FER: variants seen among roughly 807,000 people sequenced by gnomAD.
FER encodes FER tyrosine kinase.
In FER, 63 loss-of-function variants were observed where a neutral mutation model predicts 111.0. The observed-to-expected ratio is 0.57, with a 90% CI of 0.46 to 0.70. The LOEUF is 0.70. FER is among the 30% of genes least tolerant of loss of function. The pLI, the probability that FER is intolerant of heterozygous loss-of-function variation, is 0.00. For synonymous variants in FER, 327 were observed against 313.9 expected (o/e 1.04, Z -0.44); for missense variants, 914 against 954.0 (o/e 0.96, Z 0.55).
intron 5 of FER, among the ~76,000 whole-genome samples, chr5:108,836,077 C>G (rs1466176611): frequency 2.0e-5 from 3 of 151,988 alleles, no homozygotes; most frequent in African/African-American, 7.2e-5. Flanking sequence ...AAAATTTTCT[C>G]TCTTGCATCA....
rs190460910 is a variant in FER at position 109,044,651 on chromosome 5, C to T, written c.1714-29C>T. The T allele has an allele frequency of 1.4e-4, 165 of 1,160,412 alleles. 1 individual carries two copies. The African/African-American group carries it at 2.4e-3, about 17-fold the overall frequency. The allele number at this position is 1,160,412 out of a possible 1,614,324, so 71.9% of individuals were successfully genotyped here. A position where few individuals can be genotyped will look rare whatever the true frequency, so the allele number is the denominator to read the frequency against. On this transcript the variant is annotated intron_variant, in intron 14 of 19. Coordinates refer to ENST00000281092, the MANE Select transcript of FER (RefSeq NM_005246.4). ...AAAGATATACATGCTGTCATTTACCCCAGACAATGAATGTATTTCTATTTT... is the reference window on the plus strand; with the variant it reads ...AAAGATATACATGCTGTCATTTACCTCAGACAATGAATGTATTTCTATTTT...
intron 10 of FER, among the ~76,000 whole-genome samples, chr5:108,941,579 C>T (rs936602778): frequency 1.3e-5 from 2 of 152,188 alleles, no homozygotes; most frequent in Non-Finnish European, 2.9e-5. Context: ...ACTGTTGTAT[C>T]GTTATGTCCC....
At chr5:108,880,635 C>T (rs1294313307) in intron 8 of FER, among the ~76,000 whole-genome samples, 1 of 151,956 alleles carries the variant, frequency 6.6e-6, no homozygotes, top group Non-Finnish European at 1.5e-5. Context: ...ATGAACTATT[C>T]CATGCAAGCC....
At chr5:108,942,980 T>C (rs2149614817) in intron 10 of FER, among the ~76,000 whole-genome samples, 1 of 152,318 alleles carries the variant, frequency 6.6e-6, no homozygotes, top group East Asian at 1.9e-4. Flanking sequence ...ATAATCACTT[T>C]CATTGTTCTG....
At chr5:108,947,187 T>C (rs577166824) in intron 11 of FER, among the ~76,000 whole-genome samples, 1 of 152,194 alleles carries the variant, frequency 6.6e-6, no homozygotes, top group African/African-American at 2.4e-5. Flanking sequence ...TGTATATGTT[T>C]TCAGTTCTCT....
At chr5:108,897,102 A>G (rs1438288756) in intron 9 of FER, among the ~76,000 whole-genome samples, 1 of 152,156 alleles carries the variant, frequency 6.6e-6, no homozygotes, top group African/African-American at 2.4e-5. Flanking sequence ...GAGACGTTGG[A>G]AAGATTTGGA....
At position 109,003,409 on chromosome 5, in the gene FER, T is replaced by G. The variant is rs180703267; in HGVS notation, c.1657-34013T>G. ...CATGTTCTCACTCATAGGTGGGAAT[T>G]GAACAATGAGAACACATGGACACAG... On this transcript the variant is annotated intron_variant, in intron 13 of 19. Transcript: ENST00000281092. Among the ~76,000 whole-genome samples the G allele has an allele frequency of 1.7e-3, 261 of 152,192 alleles. 1 individual carries two copies. Among genetic ancestry groups the G allele is most frequent in the African/African-American group, 6.0e-3 (249 of 41,512 alleles).
At chr5:108,772,400 G>C (rs573419472) in intron 2 of FER, among the ~76,000 whole-genome samples, 1 of 124,090 alleles carries the variant, frequency 8.1e-6, no homozygotes, top group South Asian at 2.5e-4. Flanking sequence ...TATTGCATTT[G>C]CTTCTTATGC....
At chr5:108,919,669 A>T (rs1039518163) in intron 10 of FER, among the ~76,000 whole-genome samples, 5 of 152,200 alleles carry the variant, frequency 3.3e-5, no homozygotes, top group Non-Finnish European at 7.4e-5. Context: ...TTCAGACAAG[A>T]ACATTGAAGC....
intron 17 of FER, among the ~76,000 whole-genome samples, chr5:109,104,265 T>G (rs1041032109): frequency 6.6e-6 from 1 of 152,208 alleles, no homozygotes; most frequent in Non-Finnish European, 1.5e-5. Flanking sequence ...ATTGAAGACA[T>G]TGATATTTCC....
intron 17 of FER, among the ~76,000 whole-genome samples, chr5:109,124,242 A>G (rs1382236331): frequency 6.6e-6 from 1 of 152,200 alleles, no homozygotes; most frequent in Non-Finnish European, 1.5e-5. Context: ...AGACATATTA[A>G]AAGGGACAAA....
At chr5:109,151,814 T>C (rs1283264437) in intron 17 of FER, among the ~76,000 whole-genome samples, 1 of 152,148 alleles carries the variant, frequency 6.6e-6, no homozygotes, top group African/African-American at 2.4e-5. Context: ...AGACAAGTTA[T>C]GTGACAAAAT....
chr5:108,883,473 A>G lies in FER; in HGVS notation c.1001A>G (p.Glu334Gly). ...AAGGAGGAGGCTGTTTTGGAGTTAGAGAAGAGAATTGAAGAATCTTCTGAA... is the reference window on the plus strand; with the variant it reads ...AAGGAGGAGGCTGTTTTGGAGTTAGGGAAGAGAATTGAAGAATCTTCTGAA... The part of the protein sequence containing the change: ...LNKEEAVLEL[E>G]KRIEESSETC... The change falls in exon 9 of 20, where the codon GAG becomes GGG. Residue 334 changes from glutamate (E) to glycine (G), a missense_variant. Coordinates refer to ENST00000281092, the MANE Select transcript of FER (RefSeq NM_005246.4). The G allele has an allele frequency of 1.9e-6, 3 of 1,608,838 alleles. No individual in the cohort carries two copies. The highest frequency in any genetic ancestry group is 2.5e-6 in the Non-Finnish European group (3 of 1,176,608).
chr5:108,776,820 C>G (rs4448048), intron 2 of FER, among the ~76,000 whole-genome samples: 1 of 151,952 alleles, frequency 6.6e-6, no homozygotes, highest in South Asian at 2.1e-4. Flanking sequence ...TAACATTAAA[C>G]AAGATAGATT....
At chr5:108,842,885 CAA>C (rs1387373434) in intron 5 of FER, 13 of 152,212 alleles carry the variant, frequency 8.5e-5, no homozygotes, top group African/African-American at 3.1e-4. Flanking sequence ...TTTGATCCAG[CAA>C]TCCCACTACT....
In FER at chr5:109,196,581, T is replaced by G. The variant is rs1759759162; in HGVS notation, c.*9006T>G. On this transcript the variant is annotated 3_prime_UTR_variant, in exon 20 of 20. Transcript: ENST00000281092. ...TATAAAGCAGTTGGTTGTCTATCTT[T>G]TATCATTTTTACTCAGATCTGTATT... The G allele has an allele frequency of 6.6e-6, 1 of 152,202 alleles. No homozygotes were observed. The highest frequency in any genetic ancestry group is 2.1e-4 in the South Asian group (1 of 4,830). The allele number at this position is 152,202 out of a possible 1,614,324, so 9.4% of individuals were successfully genotyped here.
intron 5 of FER, among the ~76,000 whole-genome samples, chr5:108,844,998 A>C (rs74358842): frequency 7.5e-5 from 1 of 13,364 alleles, no homozygotes; most frequent in Admixed American, 1.1e-3. Context: ...GTGTGTGTGT[A>C]TATATATATA....
intron 2 of FER, among the ~76,000 whole-genome samples, chr5:108,787,328 G>C (rs561884563): frequency 6.6e-6 from 1 of 152,202 alleles, no homozygotes; most frequent in Non-Finnish European, 1.5e-5. Flanking sequence ...GAGGGGGGCC[G>C]CAGGGGCTGA....
intron 5 of FER, among the ~76,000 whole-genome samples, chr5:108,854,246 A>G (rs1762790189): frequency 1.3e-5 from 2 of 152,254 alleles, no homozygotes; most frequent in African/African-American, 4.8e-5. Context: ...CAATGGTGCT[A>G]TAACTGATGG....
Sources: allele counts gnomAD v4.1 joint callset (sites outside exome capture counted in the v4.1 genomes callset), GRCh38; gene constraint gnomAD v4.1.1; transcripts MANE v1.5; gene names NCBI Gene and HGNC (gene_info 2026-07-23, HGNC 2026-07-21).